The following ANKFN1 variants were observed in gnomAD, a reference collection of about 807,000 sequenced individuals.
The protein encoded by ANKFN1 is ankyrin repeat and fibronectin type III domain containing 1, also known as ankyrin repeat and fibronectin type-III domain-containing protein 1.
In ANKFN1, 74 loss-of-function variants were observed where a neutral mutation model predicts 108.7. That is an observed-to-expected ratio of 0.68 (90% CI 0.56 to 0.83). The LOEUF (loss-of-function observed/expected upper bound fraction) is 0.83. ANKFN1 is among the 40% of genes least tolerant of loss of function. The pLI is 0.00. For missense variants in ANKFN1, 1,505 were observed against 1,382.3 expected (o/e 1.09, Z -1.41); for synonymous variants, 547 against 516.2 (o/e 1.06, Z -0.81).
intron 3 of ANKFN1, among the ~76,000 whole-genome samples, chr17:56,242,792 G>A (rs1314410468): frequency 6.6e-6 from 1 of 151,996 alleles, no homozygotes; most frequent in Non-Finnish European, 1.5e-5. Context: ...AATAATGTGT[G>A]CTGTATGTTT....
chr17:56,273,093 G>A (rs2043832715), intron 3 of ANKFN1, among the ~76,000 whole-genome samples: 2 of 152,126 alleles, frequency 1.3e-5, no homozygotes, highest in Non-Finnish European at 2.9e-5. Flanking sequence ...TGTTGCACAT[G>A]GCTGACACTC....
chr17:56,454,489 C>T (rs1321668835), intron 11 of ANKFN1, among the ~76,000 whole-genome samples: 1 of 152,128 alleles, frequency 6.6e-6, no homozygotes, highest in Non-Finnish European at 1.5e-5. Flanking sequence ...ATGCTTTTCT[C>T]AACTGCCTGT....
chr17:56,189,044 G>A (rs1218001120), intron 1 of ANKFN1, among the ~76,000 whole-genome samples: 1 of 151,788 alleles, frequency 6.6e-6, no homozygotes, highest in African/African-American at 2.4e-5. Context: ...GGTGCATCTC[G>A]AGGCAACATA....
intron 1 of ANKFN1, among the ~76,000 whole-genome samples, chr17:56,188,551 G>GTA (rs1912488319): frequency 3.1e-5 from 2 of 64,836 alleles, no homozygotes; most frequent in Non-Finnish European, 6.0e-5. Context: ...GTATATGTGT[G>GTA]TGTGTGTGTG....
chr17:56,101,266 A>G (rs1905641847), intron 4 of ANKFN1, among the ~76,000 whole-genome samples: 1 of 152,190 alleles, frequency 6.6e-6, no homozygotes, highest in African/African-American at 2.4e-5. Context: ...GACAAAGACA[A>G]TTGTCTTCTT....
At chr17:56,180,792 CTTGA>C (rs1481447262) in intron 1 of ANKFN1, among the ~76,000 whole-genome samples, 5 of 152,242 alleles carry the variant, frequency 3.3e-5, no homozygotes, top group African/African-American at 1.2e-4. Flanking sequence ...CTCAGAATGA[CTTGA>C]TTATCTATAT....
At chr17:56,095,614 T>A (rs1258799621) in intron 4 of ANKFN1, among the ~76,000 whole-genome samples, 1 of 152,162 alleles carries the variant, frequency 6.6e-6, no homozygotes, top group Non-Finnish European at 1.5e-5. Context: ...AATGCTTTAA[T>A]TTGGATGAGG....
chr17:56,455,523 G>A (rs2049657199), intron 11 of ANKFN1, among the ~76,000 whole-genome samples: 1 of 152,110 alleles, frequency 6.6e-6, no homozygotes, highest in Admixed American at 6.6e-5. Flanking sequence ...ACCTGTCCAG[G>A]TTTCTATGCC....
At chr17:56,214,276 A>G (rs1366224535) in intron 2 of ANKFN1, among the ~76,000 whole-genome samples, 1 of 152,212 alleles carries the variant, frequency 6.6e-6, no homozygotes, top group Non-Finnish European at 1.5e-5. Flanking sequence ...ATGTGCGTTA[A>G]TAAGAATACA....
chr17:56,393,178 T>C (rs892309190), intron 8 of ANKFN1, among the ~76,000 whole-genome samples: 2 of 152,020 alleles, frequency 1.3e-5, no homozygotes, highest in African/African-American at 4.8e-5. Flanking sequence ...CAGAACTGAG[T>C]CTTTGGCCAT....
intron 6 of ANKFN1, among the ~76,000 whole-genome samples, chr17:56,354,688 C>T (rs1312479784): frequency 1.3e-5 from 2 of 152,178 alleles, no homozygotes; most frequent in Non-Finnish European, 2.9e-5. Context: ...CTCTCACAAT[C>T]CCCACCCCTC....
At position 56,359,800 on chromosome 17, in the gene ANKFN1, A is replaced by G. The variant is rs186046631; in HGVS notation, c.601+5754A>G. On this transcript the variant is annotated intron_variant, in intron 6 of 20. Coordinates refer to ENST00000682825, the MANE Select transcript of ANKFN1 (RefSeq NM_001370326.1). ...CTGGTTTTATGTAAACAAACACACTAGAAAGTCTACAATCCAAGCGAATGT... is the reference window on the plus strand; with the variant it reads ...CTGGTTTTATGTAAACAAACACACTGGAAAGTCTACAATCCAAGCGAATGT... Among the ~76,000 whole-genome samples, 307 of 152,296 alleles carry G rather than the reference A, an allele frequency of 2.0e-3. 2 individuals are homozygous for G. The highest frequency in any genetic ancestry group is 0.016 in the Admixed American group (248 of 15,278).
chr17:56,487,165 T>C (rs566772867), intron 18 of ANKFN1, among the ~76,000 whole-genome samples: 1 of 152,302 alleles, frequency 6.6e-6, no homozygotes, highest in South Asian at 2.1e-4. Flanking sequence ...AAGACTGAGC[T>C]GGGGCAAAAT....
At chr17:56,217,786 A>C (rs550825456) in intron 2 of ANKFN1, among the ~76,000 whole-genome samples, 12 of 152,306 alleles carry the variant, frequency 7.9e-5, no homozygotes, top group Middle Eastern at 3.4e-3. Context: ...TATGTTTAAA[A>C]ATAATTTGTA....
At chr17:56,074,674 C>G (rs1905160798) in intron 4 of ANKFN1, among the ~76,000 whole-genome samples, 1 of 152,196 alleles carries the variant, frequency 6.6e-6, no homozygotes, top group Non-Finnish European at 1.5e-5. Context: ...AATTGCTGTT[C>G]CATCAGCTCC....
chr17:56,242,517 A>G (rs562292142), intron 3 of ANKFN1, among the ~76,000 whole-genome samples: 198 of 152,110 alleles, frequency 1.3e-3, no homozygotes, highest in African/African-American at 4.5e-3. Context: ...ATTGATTTTC[A>G]TGTTTGATTT....
At chr17:56,403,242 T>G (rs1414940621) in intron 8 of ANKFN1, among the ~76,000 whole-genome samples, 1 of 152,156 alleles carries the variant, frequency 6.6e-6, no homozygotes, top group Non-Finnish European at 1.5e-5. Context: ...TTAAATTCAT[T>G]GTTTCTTTAT....
At chr17:56,404,591 T>C (rs1474901523) in intron 8 of ANKFN1, among the ~76,000 whole-genome samples, 9 of 152,206 alleles carry the variant, frequency 5.9e-5, no homozygotes, top group African/African-American at 1.2e-4. Flanking sequence ...TTTTCTTGCA[T>C]TGGGCTTCAC....
At chr17:56,063,730 C>T (rs1336384453) in intron 4 of ANKFN1, among the ~76,000 whole-genome samples, 2 of 152,038 alleles carry the variant, frequency 1.3e-5, no homozygotes, top group African/African-American at 4.8e-5. Flanking sequence ...TATTACTCAT[C>T]TTCTGAAGCC....
Sources: gnomAD v4.1 joint callset for allele counts (sites outside exome capture counted in the v4.1 genomes callset) on GRCh38, gnomAD v4.1.1 for gene constraint, MANE v1.5 for transcripts, NCBI Gene and HGNC (gene_info 2026-07-23, HGNC 2026-07-21) for gene names.